The following IFT74 variants were observed in gnomAD, a reference collection of about 807,000 sequenced individuals.
The protein encoded by IFT74 is intraflagellar transport 74.
IFT74 carries 92 observed loss-of-function variants against 96.7 expected under a neutral mutation model. The ratio of observed to expected loss-of-function variants is 0.95; its 90% CI spans 0.80 to 1.13. The LOEUF (loss-of-function observed/expected upper bound fraction) is 1.13, where lower values mean the gene tolerates loss of function less well. Ranked by LOEUF, IFT74 falls within the 50% of genes most tolerant of loss-of-function variation. IFT74 has a pLI of 0.00. For synonymous variants in IFT74, 223 were observed against 213.2 expected, an observed-to-expected ratio of 1.05 and a Z score of -0.40; for missense variants, 811 against 698.2, an observed-to-expected ratio of 1.16 and a Z score of -1.82.
chr9:26,997,754 C>G, intron 8 of IFT74: 2 of 1,609,506 alleles, frequency 1.2e-6, no homozygotes, highest in Non-Finnish European at 1.7e-6. Context: ...TGTGTTCAAC[C>G]AGTTCTGCAA....
chr9:26,994,003 GA>G (rs1389544649), intron 8 of IFT74: 1 of 152,136 alleles, frequency 6.6e-6, no homozygotes, highest in Non-Finnish European at 1.5e-5. Context: ...ATTAAATTGT[GA>G]TTATAGCCAA....
intron 10 of IFT74, among the ~76,000 whole-genome samples, chr9:27,015,588 G>A (rs1212057287): frequency 6.6e-6 from 1 of 152,098 alleles, no homozygotes; most frequent in African/African-American, 2.4e-5. Flanking sequence ...AGTGAGCCAA[G>A]ATCGCACCAC....
intron 2 of IFT74, among the ~76,000 whole-genome samples, chr9:26,965,893 C>A (rs947932039): frequency 6.6e-6 from 1 of 152,072 alleles, no homozygotes; most frequent in Non-Finnish European, 1.5e-5. Context: ...ATTTGACTTT[C>A]TCTTTCTGAA....
chr9:26,971,580 C>T lies in IFT74; in HGVS notation c.121-6548C>T, dbSNP rs555636658. 2.0e-4 allele frequency among the ~76,000 whole-genome samples: 31 copies of T among 152,128 alleles called. No homozygotes were observed. The South Asian group carries it at 6.0e-3, about 30-fold the overall frequency. On this transcript the variant is annotated intron_variant, in intron 2 of 19. Coordinates refer to ENST00000380062, the MANE Select transcript of IFT74 (RefSeq NM_025103.4). ...GGGGACTGTGGTAGGGGAAGGAAGG[C>T]AAGGAGTTAAGTGAAAGACAGGTGT...
At chr9:27,040,544 CAAAA>C (rs751893169) in intron 13 of IFT74, among the ~76,000 whole-genome samples, 27 of 62,092 alleles carry the variant, frequency 4.3e-4, no homozygotes, top group South Asian at 1.5e-3. Flanking sequence ...GACACTGTCT[CAAAA>C]AAAAAAAAAA....
rs547182099 is a variant in IFT74 at position 26,973,137 on chromosome 9, G to A, written c.121-4991G>A. On this transcript the variant is annotated intron_variant, in intron 2 of 19. Coordinates refer to ENST00000380062, the MANE Select transcript of IFT74 (RefSeq NM_025103.4). ...GGCTATCCTCAGCCAAGGGGCATGC[G>A]CAGAAAGCATCCTTCAAATCTATTA... Among the ~76,000 whole-genome samples the A allele has an allele frequency of 1.2e-4, 18 of 152,294 alleles. No homozygotes were observed. The East Asian group carries it at 2.1e-3, about 18-fold the overall frequency.
In IFT74 at chr9:27,047,259, T is replaced by A; in HGVS notation, c.1109-15T>A. On this transcript the variant is annotated splice_polypyrimidine_tract_variant and intron_variant, in intron 14 of 19. Transcript: ENST00000380062. The stretch of plus-strand genomic sequence containing the variant: ...TCTATCAGCAGTAATCTCTCTTATG[T>A]TTTCCAATTGTCAGCTTTTATTGAG... The A allele has an allele frequency of 6.5e-7, 1 of 1,530,808 alleles. No individual in the cohort carries two copies. Among genetic ancestry groups the A allele is most frequent in the Non-Finnish European group, 9.0e-7 (1 of 1,105,758 alleles). 94.8% of individuals were successfully genotyped at this position (1,530,808 alleles called of 1,614,324 possible).
In IFT74 at chr9:27,063,761, G is replaced by A. The variant is rs1438106701; in HGVS notation, c.*1025G>A. Among the ~76,000 whole-genome samples the A allele has an allele frequency of 6.6e-6, 1 of 151,922 alleles. No individual in the cohort carries two copies. Among genetic ancestry groups the A allele is most frequent in the African/African-American group, 2.4e-5 (1 of 41,394 alleles). On this transcript the variant is annotated 3_prime_UTR_variant, in exon 20 of 20. Transcript: ENST00000380062. ...CATACTTTAAAATTTACTCATATAT[G>A]TTGATTTTTAAAAATAAATATTTAT...
chr9:26,974,302 G>A (rs1206876529), intron 2 of IFT74, among the ~76,000 whole-genome samples: 2 of 152,002 alleles, frequency 1.3e-5, no homozygotes, highest in South Asian at 2.1e-4. Flanking sequence ...CTTAGCGGTC[G>A]GTCTTCCCAA....
At chr9:26,967,873 G>A (rs1167724550) in intron 2 of IFT74, among the ~76,000 whole-genome samples, 1 of 152,112 alleles carries the variant, frequency 6.6e-6, no homozygotes. Flanking sequence ...CTGATGGTAT[G>A]ATTTATCACA....
chr9:27,033,394 C>CA (rs756660502), intron 13 of IFT74, among the ~76,000 whole-genome samples: 1 of 151,080 alleles, frequency 6.6e-6, no homozygotes, highest in Non-Finnish European at 1.5e-5. Context: ...CCTGTCTCTA[C>CA]AAAAAAATAC....
At chr9:27,033,894 T>A (rs1027709676) in intron 13 of IFT74, among the ~76,000 whole-genome samples, 3 of 152,226 alleles carry the variant, frequency 2.0e-5, no homozygotes, top group African/African-American at 7.2e-5. Flanking sequence ...AGGTGGTTCC[T>A]TACCAATGCT....
rs117499248 is a variant in IFT74, at chr9:26,971,843, A to G, written c.121-6285A>G. Among the ~76,000 whole-genome samples the G allele has an allele frequency of 1.3e-3, 197 of 152,310 alleles. 1 individual carries two copies. The highest frequency in any genetic ancestry group is 2.5e-3 in the Non-Finnish European group (172 of 68,036). On this transcript the variant is annotated intron_variant, in intron 2 of 19. Transcript: ENST00000380062. ...TATGAGCCACTCCAAAGGTGTACTT[A>G]GAATCAGTATAGATAGTTCCTTCTT... is the stretch of plus-strand genomic sequence containing the variant.
At chr9:27,021,104 GT>G (rs1829578291) in intron 12 of IFT74, among the ~76,000 whole-genome samples, 1 of 151,904 alleles carries the variant, frequency 6.6e-6, no homozygotes, top group Non-Finnish European at 1.5e-5. Context: ...CCATTATTTT[GT>G]TCCTTTTTAT....
chr9:26,995,451 A>G (rs1358668443), intron 8 of IFT74: 1 of 862,840 alleles, frequency 1.2e-6, no homozygotes, highest in Non-Finnish European at 1.8e-6. Context: ...GTTATGTCAC[A>G]TAGCAAAATC....
At chr9:27,044,949 C>G (rs989675549) in intron 14 of IFT74, among the ~76,000 whole-genome samples, 154 bp downstream of exon 14, 1 of 152,190 alleles carries the variant, frequency 6.6e-6, no homozygotes, top group Non-Finnish European at 1.5e-5. Flanking sequence ...TAGTTTCTAG[C>G]ATAATTTAGA....
chr9:27,023,392 C>T (rs1829707190), intron 12 of IFT74, among the ~76,000 whole-genome samples: 1 of 152,092 alleles, frequency 6.6e-6, no homozygotes. Flanking sequence ...TTGTCAAATG[C>T]TTTTTCTGCA....
chr9:27,005,335 G>T (rs1828710737), intron 8 of IFT74, among the ~76,000 whole-genome samples: 5 of 119,570 alleles, frequency 4.2e-5, no homozygotes, highest in East Asian at 2.8e-4. Flanking sequence ...AAATTTGATT[G>T]GCTAGATGAA....
intron 12 of IFT74, among the ~76,000 whole-genome samples, chr9:27,028,303 A>G (rs542092928): frequency 4.5e-4 from 69 of 152,296 alleles, no homozygotes; most frequent in Non-Finnish European, 7.2e-4. Context: ...TAATTTTCCA[A>G]CTTAATTTGG....
Sources: allele counts gnomAD v4.1 joint callset (sites outside exome capture counted in the v4.1 genomes callset), GRCh38; gene constraint gnomAD v4.1.1; transcripts MANE v1.5; gene names NCBI Gene and HGNC (gene_info 2026-07-23, HGNC 2026-07-21).